Variants in KCNB2 observed in about 807,000 individuals in gnomAD.
KCNB2 encodes the protein delayed rectifier potassium channel protein.
KCNB2 carries 15 observed loss-of-function variants against 61.5 expected under a neutral mutation model. The observed-to-expected ratio is 0.24, with a 90% CI of 0.16 to 0.38. The LOEUF (loss-of-function observed/expected upper bound fraction) is 0.38. Ranked by LOEUF, KCNB2 falls within the 10% of genes least tolerant of loss-of-function variation. The pLI, the probability that KCNB2 is intolerant of heterozygous loss-of-function variation, is 1.00. For missense variants in KCNB2, 828 were observed against 1,125.2 expected (o/e 0.74, Z 3.78); for synonymous variants, 457 against 446.0 (o/e 1.02, Z -0.31).
chr8:72,630,483 G>A (rs1169099887), intron 2 of KCNB2, among the ~76,000 whole-genome samples: 1 of 152,104 alleles, frequency 6.6e-6, no homozygotes, highest in Non-Finnish European at 1.5e-5. Flanking sequence ...TGATCAAAGT[G>A]AAACCACAGA....
At chr8:72,818,201 A>AAATTAT (rs1043679403) in intron 2 of KCNB2, among the ~76,000 whole-genome samples, 30 of 152,278 alleles carry the variant, frequency 2.0e-4, no homozygotes, top group Admixed American at 2.0e-3. Flanking sequence ...TTAAAGAAAA[A>AAATTAT]AATTATGGCC....
chr8:72,910,792 A>AC (rs1248071630), intron 2 of KCNB2, among the ~76,000 whole-genome samples: 5 of 152,210 alleles, frequency 3.3e-5, no homozygotes, highest in African/African-American at 1.2e-4. Flanking sequence ...CTCATTAAAA[A>AC]CACTGCAGGG....
At chr8:72,863,227 C>T (rs1178956644) in intron 2 of KCNB2, among the ~76,000 whole-genome samples, 1 of 152,184 alleles carries the variant, frequency 6.6e-6, no homozygotes, top group Non-Finnish European at 1.5e-5. Context: ...TCCTACAGGG[C>T]TTGTCAGAGC....
intron 2 of KCNB2, among the ~76,000 whole-genome samples, chr8:72,747,325 G>A (rs1808093129): frequency 6.6e-6 from 1 of 152,182 alleles, no homozygotes; most frequent in Non-Finnish European, 1.5e-5. Flanking sequence ...TGGCCCCATG[G>A]TGATTAGGGC....
At chr8:72,666,745 C>T (rs568298593) in intron 2 of KCNB2, among the ~76,000 whole-genome samples, 6 of 151,360 alleles carry the variant, frequency 4.0e-5, no homozygotes, top group East Asian at 1.9e-4. Flanking sequence ...CTCTGCCTCC[C>T]GGGTTCAGGC....
intron 2 of KCNB2, among the ~76,000 whole-genome samples, chr8:72,603,375 C>T (rs760075986): frequency 2.2e-4 from 33 of 152,158 alleles, no homozygotes; most frequent in Non-Finnish European, 4.4e-4. Flanking sequence ...ATGCAACATG[C>T]CTTTGCATGA....
rs140123754 is a variant in KCNB2 at position 72,696,099 on chromosome 8, G to A, written c.579+127786G>A. 2.5e-3 allele frequency among the ~76,000 whole-genome samples: 375 copies of A among 152,304 alleles called. 3 individuals carry two copies. The highest frequency in any genetic ancestry group is 7.8e-3 in the African/African-American group (326 of 41,566). On this transcript the variant is annotated intron_variant, in intron 2 of 2. Coordinates refer to ENST00000523207, the MANE Select transcript of KCNB2 (RefSeq NM_004770.3). Reference sequence around the variant, plus strand: ...GATTGGTGTAACCTTGTCAGGAGACGAGATGATAAATCTGATGGTTTTTGA... The same window carrying A: ...GATTGGTGTAACCTTGTCAGGAGACAAGATGATAAATCTGATGGTTTTTGA...
intron 2 of KCNB2, among the ~76,000 whole-genome samples, chr8:72,628,171 C>G (rs950866803): frequency 1.3e-5 from 2 of 152,148 alleles, no homozygotes; most frequent in African/African-American, 2.4e-5. Context: ...CCAGGCTGCT[C>G]TCAAACTCCT....
intron 2 of KCNB2, among the ~76,000 whole-genome samples, chr8:72,809,561 T>G (rs968031587): frequency 2.6e-5 from 4 of 152,322 alleles, no homozygotes; most frequent in East Asian, 1.9e-4. Context: ...GAAAGACTTC[T>G]GCTTTCAACT....
intron 2 of KCNB2, among the ~76,000 whole-genome samples, chr8:72,592,094 G>C (rs557584094): frequency 6.6e-6 from 1 of 152,110 alleles, no homozygotes; most frequent in Non-Finnish European, 1.5e-5. Flanking sequence ...TTAGGCTCTT[G>C]TGAGCCAAAT....
chr8:72,572,901 C>T (rs1421400220), intron 2 of KCNB2, among the ~76,000 whole-genome samples: 1 of 152,138 alleles, frequency 6.6e-6, no homozygotes, highest in Non-Finnish European at 1.5e-5. Flanking sequence ...CTGCATATAT[C>T]CACAGGTCCA....
Position 72,897,600 on chromosome 8 carries a change from C to T in KCNB2, c.580-38335C>T, listed in dbSNP as rs73686568. 7.4e-3 allele frequency among the ~76,000 whole-genome samples: 1,125 copies of T among 152,210 alleles called. 13 individuals carry two copies. The highest frequency in any genetic ancestry group is 0.019 in the African/African-American group (783 of 41,546). On this transcript the variant is annotated intron_variant, in intron 2 of 2. Transcript: ENST00000523207. ...TTTAAAATTAGCTCCATGACCAGAA[C>T]GATACAGCCATGCAAAACTGAAGCT...
At chr8:72,561,760 T>C (rs7357528) in intron 1 of KCNB2, among the ~76,000 whole-genome samples, 1,625 of 25,882 alleles carry the variant, frequency 0.063, 264 homozygotes, top group African/African-American at 0.17. Flanking sequence ...TATATATATA[T>C]GGATATATAT....
chr8:72,778,182 C>T (rs189588616), intron 2 of KCNB2, among the ~76,000 whole-genome samples: 2 of 152,312 alleles, frequency 1.3e-5, no homozygotes, highest in Non-Finnish European at 2.9e-5. Context: ...ATACTCTCTC[C>T]TTTCCAGCCA....
At chr8:72,921,544 T>C (rs1806520021) in intron 2 of KCNB2, among the ~76,000 whole-genome samples, 1 of 152,198 alleles carries the variant, frequency 6.6e-6, no homozygotes, top group African/African-American at 2.4e-5. Context: ...CACCTTTAAC[T>C]TACAGACTAC....
chr8:72,756,236 G>C (rs1407503697), intron 2 of KCNB2, among the ~76,000 whole-genome samples: 1 of 152,206 alleles, frequency 6.6e-6, no homozygotes, highest in African/African-American at 2.4e-5. Context: ...GCTAGGAGCA[G>C]TGGCTCCCTC....
At chr8:72,606,363 GA>G (rs1398682710) in intron 2 of KCNB2, among the ~76,000 whole-genome samples, 4 of 152,032 alleles carry the variant, frequency 2.6e-5, no homozygotes, top group Non-Finnish European at 5.9e-5. Flanking sequence ...CCAAGTAAAA[GA>G]AAATACAGAA....
intron 2 of KCNB2, among the ~76,000 whole-genome samples, chr8:72,837,856 C>A (rs976154230): frequency 6.6e-6 from 1 of 152,034 alleles, no homozygotes; most frequent in Non-Finnish European, 1.5e-5. Context: ...TATTTACTAA[C>A]TAATTTATTA....
At chr8:72,611,568 A>T (rs1366677423) in intron 2 of KCNB2, among the ~76,000 whole-genome samples, 1 of 152,216 alleles carries the variant, frequency 6.6e-6, no homozygotes, top group East Asian at 1.9e-4. Flanking sequence ...CCTTGCCATG[A>T]GGACTGCCCA....
Sources: gnomAD v4.1 joint callset for allele counts (sites outside exome capture counted in the v4.1 genomes callset) on GRCh38, gnomAD v4.1.1 for gene constraint, MANE v1.5 for transcripts, NCBI Gene and HGNC (gene_info 2026-07-23, HGNC 2026-07-21) for gene names.